Variants in KCTD8 observed in about 807,000 individuals in gnomAD.
KCTD8 encodes the protein BTB/POZ domain-containing protein KCTD8.
A neutral mutation model predicts 31.5 loss-of-function variants in KCTD8; 27 were observed. The observed-to-expected ratio is 0.86, with a 90% confidence interval of 0.63 to 1.18. The LOEUF is 1.18. KCTD8 is among the 50% of genes most tolerant of loss of function. The pLI is 0.00. For missense variants in KCTD8, 658 were observed against 647.7 expected (o/e 1.02, Z -0.17); for synonymous variants, 290 against 280.0 (o/e 1.04, Z -0.36).
chr4:44,285,304 G>A (rs1458841870), intron 1 of KCTD8, among the ~76,000 whole-genome samples: 5 of 152,122 alleles, frequency 3.3e-5, no homozygotes, highest in African/African-American at 1.2e-4. Flanking sequence ...AAAACAGAAT[G>A]AGTTCATGTC....
chr4:44,188,492 C>T (rs1289806442), intron 1 of KCTD8, among the ~76,000 whole-genome samples: 1 of 152,136 alleles, frequency 6.6e-6, no homozygotes, highest in Non-Finnish European at 1.5e-5. Flanking sequence ...CCTAGGGTTA[C>T]TTTAAGTCAA....
At chr4:44,207,390 T>C (rs1417680168) in intron 1 of KCTD8, among the ~76,000 whole-genome samples, 1 of 152,190 alleles carries the variant, frequency 6.6e-6, no homozygotes, top group Non-Finnish European at 1.5e-5. Flanking sequence ...CCTCCTGATC[T>C]TTCCAACATA....
intron 1 of KCTD8, 96 bp downstream of exon 1, chr4:44,447,467 C>T (rs1012869015): frequency 1.4e-6 from 2 of 1,427,712 alleles, no homozygotes; most frequent in African/African-American, 2.9e-5. Flanking sequence ...CAGCGCCTGC[C>T]CCGGACACCC....
chr4:44,327,954 C>T (rs1194994968), intron 1 of KCTD8, among the ~76,000 whole-genome samples: 2 of 151,836 alleles, frequency 1.3e-5, no homozygotes, highest in African/African-American at 4.8e-5. Flanking sequence ...ATACTAACTT[C>T]CAAAGCACAT....
intron 1 of KCTD8, among the ~76,000 whole-genome samples, chr4:44,438,259 T>C (rs1010118590): frequency 6.6e-6 from 1 of 151,646 alleles, no homozygotes; most frequent in Non-Finnish European, 1.5e-5. Flanking sequence ...ACAGCTAACA[T>C]AGTTTTCTTA....
chr4:44,369,378 CA>C (rs1719723929), intron 1 of KCTD8, among the ~76,000 whole-genome samples: 1 of 152,146 alleles, frequency 6.6e-6, no homozygotes, highest in Non-Finnish European at 1.5e-5. Flanking sequence ...CGAGTATGTT[CA>C]AAAGAAAAGA....
intron 1 of KCTD8, among the ~76,000 whole-genome samples, chr4:44,322,842 T>C (rs1439105129): frequency 6.6e-6 from 1 of 152,056 alleles, no homozygotes; most frequent in Non-Finnish European, 1.5e-5. Context: ...TATTGAAAAG[T>C]GTTCTTTTCT....
At chr4:44,202,220 A>T (rs1169701524) in intron 1 of KCTD8, among the ~76,000 whole-genome samples, 1 of 152,190 alleles carries the variant, frequency 6.6e-6, no homozygotes, top group Non-Finnish European at 1.5e-5. Flanking sequence ...GCCACTGTAG[A>T]AGGCAGTTTG....
At chr4:44,275,528 T>A (rs1406238442) in intron 1 of KCTD8, among the ~76,000 whole-genome samples, 1 of 152,050 alleles carries the variant, frequency 6.6e-6, no homozygotes, top group Middle Eastern at 3.2e-3. Context: ...TAGTCATCTA[T>A]AAACTGTACA....
chr4:44,391,762 T>C (rs1280539602), intron 1 of KCTD8, among the ~76,000 whole-genome samples: 1 of 151,894 alleles, frequency 6.6e-6, no homozygotes, highest in Non-Finnish European at 1.5e-5. Context: ...CAGCCTTATA[T>C]TTTTAAAGGG....
At chr4:44,369,757 C>G (rs1450533938) in intron 1 of KCTD8, among the ~76,000 whole-genome samples, 1 of 152,018 alleles carries the variant, frequency 6.6e-6, no homozygotes, top group African/African-American at 2.4e-5. Context: ...AAGATTGCAC[C>G]TTTGCACCCG....
At chr4:44,255,958 T>G (rs1715979601) in intron 1 of KCTD8, among the ~76,000 whole-genome samples, 2 of 151,948 alleles carry the variant, frequency 1.3e-5, no homozygotes, top group African/African-American at 4.8e-5. Context: ...TCAGACTAGG[T>G]TATTTATAAA....
chr4:44,201,564 C>T (rs746598797), intron 1 of KCTD8, among the ~76,000 whole-genome samples: 89 of 152,088 alleles, frequency 5.9e-4, no homozygotes, highest in Non-Finnish European at 8.5e-4. Flanking sequence ...AAGGACTCCC[C>T]ATTCAATAAA....
chr4:44,352,578 TAAA>T (rs1406289583), intron 1 of KCTD8, among the ~76,000 whole-genome samples: 3 of 138,940 alleles, frequency 2.2e-5, no homozygotes, highest in Non-Finnish European at 3.1e-5. Context: ...TTATTTCTAT[TAAA>T]AATAGAAATA....
At chr4:44,399,105 C>T (rs1212952695) in intron 1 of KCTD8, among the ~76,000 whole-genome samples, 1 of 152,164 alleles carries the variant, frequency 6.6e-6, no homozygotes, top group African/African-American at 2.4e-5. Flanking sequence ...GACAGAGCTA[C>T]ATCACAGAGG....
chr4:44,236,712 G>A (rs982307752), intron 1 of KCTD8, among the ~76,000 whole-genome samples: 5 of 152,076 alleles, frequency 3.3e-5, no homozygotes, highest in Non-Finnish European at 4.4e-5. Flanking sequence ...TCAGACTCTG[G>A]TATTGAGAAG....
chr4:44,393,195 A>G (rs1720414332), intron 1 of KCTD8, among the ~76,000 whole-genome samples: 1 of 152,076 alleles, frequency 6.6e-6, no homozygotes, highest in African/African-American at 2.4e-5. Flanking sequence ...CAGGAGCATT[A>G]TAACAGCAAA....
intron 1 of KCTD8, among the ~76,000 whole-genome samples, chr4:44,274,570 A>G (rs1255807189): frequency 3.3e-5 from 5 of 151,812 alleles, no homozygotes; most frequent in South Asian, 2.1e-4. Flanking sequence ...TATTTCTACT[A>G]TATTGAATTA....
At chr4:44,413,707 A>C (rs1721010175) in intron 1 of KCTD8, among the ~76,000 whole-genome samples, 2 of 152,178 alleles carry the variant, frequency 1.3e-5, no homozygotes. Context: ...AGTAGGCAGA[A>C]TAATGCCCCC....
Sources: gnomAD v4.1 joint callset for allele counts (sites outside exome capture counted in the v4.1 genomes callset) on GRCh38, gnomAD v4.1.1 for gene constraint, MANE v1.5 for transcripts, NCBI Gene and HGNC (gene_info 2026-07-23, HGNC 2026-07-21) for gene names.